The following MICAL2 variants were observed in gnomAD, a reference collection of about 807,000 sequenced individuals.
MICAL2 encodes [F-actin]-monooxygenase MICAL2.
Under a neutral mutation model 127.3 loss-of-function variants are expected in MICAL2, and 77 were observed. The observed-to-expected ratio is 0.60, with a 90% CI of 0.50 to 0.73. The LOEUF (loss-of-function observed/expected upper bound fraction) is 0.73. MICAL2 is among the 30% of genes least tolerant of loss of function. The pLI, the probability that MICAL2 is intolerant of heterozygous loss-of-function variation, is 0.00. For missense variants in MICAL2, 1,351 were observed against 1,434.4 expected, an observed-to-expected ratio of 0.94 and a Z score of 0.94; for synonymous variants, 570 against 551.1, an observed-to-expected ratio of 1.03 and a Z score of -0.48.
chr11:12,217,988 G>A (rs1409347807), intron 8 of MICAL2, among the ~76,000 whole-genome samples: 1 of 152,194 alleles, frequency 6.6e-6, no homozygotes, highest in Admixed American at 6.5e-5. Flanking sequence ...GCTCCCTGGA[G>A]GAATGGCAAG....
chr11:12,136,360 G>A (rs1851836517), intron 1 of MICAL2, among the ~76,000 whole-genome samples: 1 of 152,204 alleles, frequency 6.6e-6, no homozygotes, highest in Admixed American at 6.5e-5. Context: ...GCACTTCGCT[G>A]TGCCATGCCT....
intron 4 of MICAL2, among the ~76,000 whole-genome samples, chr11:12,206,845 GCTTC>G (rs1382369210): frequency 6.6e-6 from 1 of 151,788 alleles, no homozygotes; most frequent in African/African-American, 2.4e-5. Context: ...AATCCCTCTG[GCTTC>G]CTTCCTTCCT....
chr11:12,139,753 T>G (rs1590043742), intron 2 of MICAL2, among the ~76,000 whole-genome samples: 2 of 152,192 alleles, frequency 1.3e-5, no homozygotes, highest in Admixed American at 6.5e-5. Flanking sequence ...ACAGAGTTTG[T>G]CCACAGAGGA....
chr11:12,124,277 C>T (rs1378479590), intron 1 of MICAL2, among the ~76,000 whole-genome samples: 1 of 152,180 alleles, frequency 6.6e-6, no homozygotes, highest in Non-Finnish European at 1.5e-5. Flanking sequence ...TGTCACACTC[C>T]TGGAGACCTC....
chr11:12,333,026 G>A lies in MICAL2; in HGVS notation c.5515+5760G>A, dbSNP rs971272844. Reference sequence around the variant, plus strand: ...TCCAGCTTCACTGGCCACTCTGTAGGAAGTCCATGGCCTCATTGCAAGCCA... The same window carrying A: ...TCCAGCTTCACTGGCCACTCTGTAGAAAGTCCATGGCCTCATTGCAAGCCA... On this transcript the variant is annotated intron_variant, in intron 32 of 34. Transcript: ENST00000646065. Among the ~76,000 whole-genome samples the A allele has an allele frequency of 5.3e-5, 8 of 152,308 alleles. No homozygotes were observed. The East Asian group carries it at 1.5e-3, about 29-fold the overall frequency.
intron 22 of MICAL2, among the ~76,000 whole-genome samples, chr11:12,250,976 T>C (rs1470157430): frequency 6.6e-6 from 1 of 152,180 alleles, no homozygotes; most frequent in African/African-American, 2.4e-5. Flanking sequence ...TGAGCATTTA[T>C]TTCTCAGGAT....
In MICAL2 at chr11:12,244,044, C is replaced by A; in HGVS notation, c.2716C>A (p.Leu906Ile). 6.2e-7 allele frequency: 1 copy of A among 1,614,038 alleles called. No individual in the cohort carries two copies. Among genetic ancestry groups the A allele is most frequent in the Non-Finnish European group, 8.5e-7 (1 of 1,179,884 alleles). The change falls in exon 21 of 28, where the codon CTT (leucine) becomes ATT (isoleucine). Residue 906 changes from leucine to isoleucine, a missense_variant. Leu to Ile is a conservative substitution (Grantham distance 5). Coordinates refer to ENST00000683283, the MANE Select transcript of MICAL2 (RefSeq NM_001282663.2). ...TCATCCTCCATCTCCTCCCTCTCGC[C>A]TTCCGTCTCCTGATCCAGCTGCTTC... ...HTHPPSPPSR[L>I]PSPDPAASSS...
chr11:12,346,261 T>C (rs1223407476), intron 32 of MICAL2, among the ~76,000 whole-genome samples: 1 of 152,204 alleles, frequency 6.6e-6, no homozygotes, highest in Non-Finnish European at 1.5e-5. Flanking sequence ...CTACCATGTG[T>C]ATTGTATGAT....
At chr11:12,260,414 G>T in intron 26 of MICAL2, 2 of 1,235,296 alleles carry the variant, frequency 1.6e-6, no homozygotes, top group Non-Finnish European at 2.0e-6. Flanking sequence ...ATACTTCTGG[G>T]TTTACATTTC....
At chr11:12,274,158 G>A (rs1863701069), upstream of MICAL2, among the ~76,000 whole-genome samples, 1 of 151,928 alleles carries the variant, frequency 6.6e-6, no homozygotes, top group Admixed American at 6.6e-5. Flanking sequence ...GAGGGAGGAG[G>A]GAAGTGAGAG....
chr11:12,135,441 C>T (rs1374293398), intron 1 of MICAL2, among the ~76,000 whole-genome samples: 1 of 152,200 alleles, frequency 6.6e-6, no homozygotes, highest in African/African-American at 2.4e-5. Context: ...TCCAGAAGTG[C>T]CGTTACCCAC....
At chr11:12,294,046 A>C, downstream of MICAL2, 1 of 1,614,130 alleles carries the variant, frequency 6.2e-7, no homozygotes. Flanking sequence ...TGCACCTCAA[A>C]GCTGGGGAGC....
intron 18 of MICAL2, 56 bp downstream of exon 18, chr11:12,241,218 A>G: frequency 6.3e-7 from 1 of 1,576,024 alleles, no homozygotes; most frequent in South Asian, 1.2e-5. Flanking sequence ...ACTTTGATCC[A>G]GATGGGTGGG....
Position 12,242,311 on chromosome 11 carries a change from A to C in MICAL2, c.2435A>C (p.Lys812Thr), listed in dbSNP as rs766451671. 2.4e-5 allele frequency: 38 copies of C among 1,614,056 alleles called. No homozygotes were observed. The highest frequency in any genetic ancestry group is 3.2e-5 in the Non-Finnish European group (38 of 1,180,014). The change falls in exon 19 of 28, where the codon AAG becomes ACG. Residue 812 changes from lysine to threonine, a missense_variant. By Grantham distance (78) the Lys-to-Thr change is moderately conservative (BLOSUM62 -1). Around this residue, in one of 2 missense-constraint regions of MICAL2, gnomAD observed 752 missense variants for 719.4 expected, o/e 1.05. Coordinates refer to ENST00000683283, the MANE Select transcript of MICAL2 (RefSeq NM_001282663.2). Reference sequence around the variant, plus strand: ...AGCAGACCTTGGAGAGCCAGAGCCAAGTCTGACCTACAGCTGGGTGGGACA... The same window carrying C: ...AGCAGACCTTGGAGAGCCAGAGCCACGTCTGACCTACAGCTGGGTGGGACA... ...CLSRPWRARA[K>T]SDLQLGGTEN...
At chr11:12,286,183 G>A (rs1863825192) in intron 2 of MICAL2, among the ~76,000 whole-genome samples, 1 of 152,202 alleles carries the variant, frequency 6.6e-6, no homozygotes, top group Non-Finnish European at 1.5e-5. Flanking sequence ...CCGCAAATAT[G>A]TTTCCCTTGG....
At chr11:12,292,190 T>C, downstream of MICAL2, 1 of 1,613,898 alleles carries the variant, frequency 6.2e-7, no homozygotes, top group Non-Finnish European at 8.5e-7. Context: ...TAAGGACCCT[T>C]CTCCTTCTCT....
rs187763882 is a variant in MICAL2 at position 12,136,090 on chromosome 11, G to A, written c.-148-2300G>A. ...AAGGCTCCCGGAGTTCCTGTCACTT[G>A]GGCCTGTCATGTCCCACTCAATCTC... On this transcript the variant is annotated intron_variant, in intron 1 of 27. Coordinates refer to ENST00000683283, the MANE Select transcript of MICAL2 (RefSeq NM_001282663.2). Among the ~76,000 whole-genome samples the A allele has an allele frequency of 3.9e-5, 6 of 152,144 alleles. No individual in the cohort carries two copies. In the East Asian group the frequency reaches 9.7e-4, roughly 25 times the overall value.
At chr11:12,227,951 G>T (rs1023096268) in intron 15 of MICAL2, among the ~76,000 whole-genome samples, 3 of 152,220 alleles carry the variant, frequency 2.0e-5, no homozygotes, top group African/African-American at 7.2e-5. Flanking sequence ...TGCCTAAGGA[G>T]CAGTGACAGT....
At chr11:12,306,489 T>C (rs1463798948) in intron 29 of MICAL2, among the ~76,000 whole-genome samples, 1 of 152,212 alleles carries the variant, frequency 6.6e-6, no homozygotes, top group African/African-American at 2.4e-5. Context: ...CAATAAAATT[T>C]ACCCTTTTAA....
Sources: gnomAD v4.1 joint callset for allele counts (sites outside exome capture counted in the v4.1 genomes callset) on GRCh38, gnomAD v4.1.1 for gene constraint, gnomAD v4.1.1 regional missense constraint, MANE v1.5 for transcripts, NCBI Gene and HGNC (gene_info 2026-07-23, HGNC 2026-07-21) for gene names.